TNS3: variants seen among roughly 807,000 people sequenced by gnomAD.
TNS3 encodes the protein tensin 3, also known as tensin-3.
A neutral mutation model predicts 140.9 loss-of-function variants in TNS3; 45 were observed. That is an observed-to-expected ratio of 0.32 (90% CI 0.25 to 0.41). The LOEUF (loss-of-function observed/expected upper bound fraction) is 0.41. Among genes scored for constraint, TNS3 ranks in the 10% least tolerant of loss-of-function variants. The probability of loss-of-function intolerance (pLI) is 1.00; values close to 1 mark genes in which losing one functional copy is unlikely to be tolerated. For missense variants in TNS3, 1,716 were observed against 1,906.7 expected, an observed-to-expected ratio of 0.90 and a Z score of 1.86; for synonymous variants, 815 against 788.4, an observed-to-expected ratio of 1.03 and a Z score of -0.56.
At chr7:47,297,830 C>T (rs11984260) in intron 23 of TNS3, among the ~76,000 whole-genome samples, 3 of 150,010 alleles carry the variant, frequency 2.0e-5, no homozygotes, top group Non-Finnish European at 4.4e-5. Flanking sequence ...CTCTGTTGCC[C>T]AGGCTAGAGT....
Position 47,443,471 on chromosome 7 carries a change from C to G in TNS3, c.-75-1416G>C, listed in dbSNP as rs1281001033. On this transcript the variant is annotated intron_variant, in intron 4 of 30. Coordinates refer to ENST00000311160, the MANE Select transcript of TNS3 (RefSeq NM_022748.12). The stretch of plus-strand genomic sequence containing the variant: ...TCTTCTCAAAGCCCTAACCCAAAGC[C>G]TTTCACAGCTCAGACTAGACAGCTA... Among the ~76,000 whole-genome samples, 4 of 152,192 alleles carry G rather than the reference C, an allele frequency of 2.6e-5. No individual in the cohort carries two copies. The East Asian group carries it at 7.7e-4, about 29-fold the overall frequency.
At chr7:47,462,799 T>TGCCCTGATTCCTCCCCGCTGTGCCTCTC in intron 4 of TNS3, among the ~76,000 whole-genome samples, 1 of 152,190 alleles carries the variant, frequency 6.6e-6, no homozygotes, top group Non-Finnish European at 1.5e-5. Flanking sequence ...GTTAGCCCTC[T>TGCCCTGATTCCTCCCCGCTGTGCCTCTC]GCCCTGATTC....
rs143036883 is a variant in TNS3 at position 47,346,370 on chromosome 7, G to T, written c.2282-14C>A. On this transcript the variant is annotated splice_polypyrimidine_tract_variant and intron_variant, in intron 17 of 30. Transcript: ENST00000311160. ...CAGCAGAGGAGCCTGTTAAAAGGGA[G>T]ACAAGCAGGCTGCAGGGCGCTTCCT... The T allele has an allele frequency of 6.2e-7, 1 of 1,613,306 alleles. No individual in the cohort carries two copies. Among genetic ancestry groups the T allele is most frequent in the Admixed American group, 1.7e-5 (1 of 59,978 alleles).
rs866801841 is a variant in TNS3, at chr7:47,347,488, C to T, written c.2282-1132G>A. ...GCCTGCCTGAGAGGAGCAGCAGGAC[C>T]GCTGTAAGGTTTCTTGTTTCTGTCT... On this transcript the variant is annotated intron_variant, in intron 17 of 30. Transcript: ENST00000311160. 5.9e-5 allele frequency among the ~76,000 whole-genome samples: 9 copies of T among 152,116 alleles called. No individual in the cohort carries two copies. The South Asian group carries it at 8.3e-4, about 14-fold the overall frequency.
At chr7:47,346,108 T>C in intron 18 of TNS3, 79 bp downstream of exon 18, 1 of 1,556,476 alleles carries the variant, frequency 6.4e-7, no homozygotes, top group Non-Finnish European at 8.7e-7. Context: ...GGCCTGGTCA[T>C]TGCCCATTCA....
At chr7:47,400,220 C>T (rs935448776) in intron 15 of TNS3, among the ~76,000 whole-genome samples, 173 bp downstream of exon 15, 1 of 152,192 alleles carries the variant, frequency 6.6e-6, no homozygotes, top group Non-Finnish European at 1.5e-5. Context: ...CTTACTGACA[C>T]AAGTGGGCCT....
intron 2 of TNS3, among the ~76,000 whole-genome samples, chr7:47,513,553 CT>C (rs1209036644): frequency 6.6e-6 from 1 of 152,224 alleles, no homozygotes; most frequent in Admixed American, 6.5e-5. Context: ...CTGCAGGCAG[CT>C]TTTTTGTATC....
intron 1 of TNS3, among the ~76,000 whole-genome samples, chr7:47,555,013 C>A (rs939852708): frequency 6.7e-6 from 1 of 149,012 alleles, no homozygotes; most frequent in East Asian, 2.0e-4. Context: ...GGCAACAGAG[C>A]GAGACTCTGT....
At chr7:47,506,529 GAA>G (rs1798422798) in intron 3 of TNS3, among the ~76,000 whole-genome samples, 1 of 151,934 alleles carries the variant, frequency 6.6e-6, no homozygotes, top group East Asian at 1.9e-4. Flanking sequence ...AAATGAGGCA[GAA>G]AAGTCTCCAG....
chr7:47,386,389 C>T (rs1021679659), intron 16 of TNS3, among the ~76,000 whole-genome samples: 1 of 152,250 alleles, frequency 6.6e-6, no homozygotes. Context: ...CCCTGCACTT[C>T]GCATCAGTCT....
intron 20 of TNS3, among the ~76,000 whole-genome samples, chr7:47,335,137 T>C (rs1328220212): frequency 6.6e-6 from 1 of 152,240 alleles, no homozygotes; most frequent in African/African-American, 2.4e-5. Context: ...GAGGCTCCCA[T>C]GTGGAATTTC....
At chr7:47,446,558 T>C (rs1397859856) in intron 4 of TNS3, among the ~76,000 whole-genome samples, 1 of 152,112 alleles carries the variant, frequency 6.6e-6, no homozygotes, top group African/African-American at 2.4e-5. Context: ...TGTGTCCCTG[T>C]TGGCATGCTC....
chr7:47,476,865 C>T (rs1024073764), intron 4 of TNS3, among the ~76,000 whole-genome samples: 1 of 152,216 alleles, frequency 6.6e-6, no homozygotes, highest in Non-Finnish European at 1.5e-5. Flanking sequence ...CCTTTCTCAA[C>T]AATACTATGT....
At chr7:47,287,928 C>T (rs372281183) in intron 27 of TNS3, among the ~76,000 whole-genome samples, 9 of 152,174 alleles carry the variant, frequency 5.9e-5, no homozygotes, top group Non-Finnish European at 1.2e-4. Context: ...ACATTTCATA[C>T]GTAATTTTAA....
intron 17 of TNS3, among the ~76,000 whole-genome samples, chr7:47,362,939 C>CCATCATCATTGT (rs2151103471): frequency 3.4e-5 from 1 of 29,562 alleles, no homozygotes; most frequent in African/African-American, 1.2e-4. Flanking sequence ...AACATCATCA[C>CCATCATCATTGT]CACCATCAAC....
intron 4 of TNS3, among the ~76,000 whole-genome samples, chr7:47,460,988 A>C (rs1280770978): frequency 3.9e-5 from 6 of 152,224 alleles, no homozygotes; most frequent in Non-Finnish European, 7.3e-5. Context: ...CCATGAGAAA[A>C]TAAGTTTATT....
At chr7:47,567,661 G>A (rs1800458738) in intron 1 of TNS3, among the ~76,000 whole-genome samples, 1 of 140,464 alleles carries the variant, frequency 7.1e-6, no homozygotes. Flanking sequence ...TCCAGCCTGG[G>A]CAACAGAGCG....
chr7:47,319,996 CA>C (rs1476289569), intron 20 of TNS3, among the ~76,000 whole-genome samples: 34 of 152,224 alleles, frequency 2.2e-4, no homozygotes, highest in Non-Finnish European at 1.5e-5. Context: ...TTCGAAACCT[CA>C]GCTTCACTTA....
Position 47,275,733 on chromosome 7 carries a change from T to C in TNS3, c.*2343A>G, listed in dbSNP as rs1288460575. 2.2e-6 allele frequency: 1 copy of C among 448,196 alleles called. No individual in the cohort carries two copies. The highest frequency in any genetic ancestry group is 4.5e-6 in the Non-Finnish European group (1 of 222,046). 27.8% of individuals were successfully genotyped at this position (448,196 alleles called of 1,614,324 possible). A position where few individuals can be genotyped will look rare whatever the true frequency, so the allele number is the denominator to read the frequency against. On this transcript the variant is annotated 3_prime_UTR_variant, in exon 31 of 31. Transcript: ENST00000311160. ...CTTTGGTTCCTCAGAGGGAGCTATC[T>C]GCTTGGAGCAAATTCCCCGATGCCC...
Sources: gnomAD v4.1 joint callset for allele counts (sites outside exome capture counted in the v4.1 genomes callset) on GRCh38, gnomAD v4.1.1 for gene constraint, MANE v1.5 for transcripts, NCBI Gene and HGNC (gene_info 2026-07-23, HGNC 2026-07-21) for gene names.